Variants in CYP39A1 observed in about 807,000 individuals in gnomAD.
CYP39A1 encodes the protein 24-hydroxycholesterol 7-alpha-hydroxylase.
In CYP39A1, 49 loss-of-function variants were observed where a neutral mutation model predicts 58.1. That is an observed-to-expected ratio of 0.84 (90% CI 0.67 to 1.07). CYP39A1 has a LOEUF of 1.07. CYP39A1 is among the 50% of genes least tolerant of loss of function. CYP39A1 has a pLI of 0.00. For synonymous variants in CYP39A1, 209 were observed against 187.6 expected (o/e 1.11, Z -0.93); for missense variants, 531 against 539.4 (o/e 0.98, Z 0.16).
chr6:46,634,923 C>T (rs1219197419), intron 5 of CYP39A1, among the ~76,000 whole-genome samples: 1 of 152,178 alleles, frequency 6.6e-6, no homozygotes, highest in East Asian at 1.9e-4. Context: ...GCTTTTGCCC[C>T]TAAGTCCTGG....
chr6:46,584,247 G>T (rs1003962509), intron 10 of CYP39A1, among the ~76,000 whole-genome samples: 1 of 152,086 alleles, frequency 6.6e-6, no homozygotes, highest in Non-Finnish European at 1.5e-5. Context: ...AACTTGATGA[G>T]GTTTCTTAAA....
intron 3 of CYP39A1, among the ~76,000 whole-genome samples, chr6:46,638,698 G>A (rs115403580): frequency 0.015 from 2,228 of 152,150 alleles, 57 homozygotes; most frequent in African/African-American, 0.05. Context: ...AAATTTGGTT[G>A]TTTTTGTGTC....
At chr6:46,585,389 A>G (rs916480201) in intron 10 of CYP39A1, among the ~76,000 whole-genome samples, 2 of 152,264 alleles carry the variant, frequency 1.3e-5, no homozygotes, top group Admixed American at 1.3e-4. Flanking sequence ...ATATAGTGAT[A>G]TAAAGAAACC....
intron 6 of CYP39A1, among the ~76,000 whole-genome samples, chr6:46,630,668 A>G (rs1775603052): frequency 6.6e-6 from 1 of 152,210 alleles, no homozygotes; most frequent in South Asian, 2.1e-4. Flanking sequence ...AAAGTGTTCC[A>G]TAAACAGATG....
intron 10 of CYP39A1, among the ~76,000 whole-genome samples, chr6:46,560,973 A>G (rs1770941443): frequency 6.6e-6 from 1 of 152,166 alleles, no homozygotes; most frequent in Non-Finnish European, 1.5e-5. Flanking sequence ...AAGAAGGCAA[A>G]AAGCACCAAT....
At position 46,619,573 on chromosome 6, in the gene CYP39A1, A is replaced by T. The variant is rs559541985; in HGVS notation, c.931+5845T>A. Among the ~76,000 whole-genome samples, 193 of 152,086 alleles carry T rather than the reference A, an allele frequency of 1.3e-3. 2 individuals carry two copies. Among genetic ancestry groups the T allele is most frequent in the Non-Finnish European group, 1.2e-3 (83 of 67,984 alleles). On this transcript the variant is annotated intron_variant, in intron 7 of 11. Coordinates refer to ENST00000275016, the MANE Select transcript of CYP39A1 (RefSeq NM_016593.5). ...ACTTTAGATGGGGTAAGACTAAAAT[A>T]TCTATCTGAAGAGGAGACATTCAAG...
intron 1 of CYP39A1, 26 bp downstream of exon 1, chr6:46,652,380 A>T: frequency 2.5e-6 from 4 of 1,591,002 alleles, no homozygotes; most frequent in Non-Finnish European, 3.4e-6. Flanking sequence ...TCTCCTCTGG[A>T]GACCCCGTCT....
Position 46,639,607 on chromosome 6 carries a change from C to T in CYP39A1, c.375G>A (p.Gly125=), listed in dbSNP as rs1164558964. ...LHEKLYIMLK[G]KMGTVNLHQF... ...GATGGAGATTGACAGTCCCCATTTT[C>T]CCTTTCAACATAATATAGAGTTTTT... The change falls in exon 3 of 12, where the codon GGG becomes GGA. Residue 125 remains glycine, a synonymous_variant. Coordinates refer to ENST00000275016, the MANE Select transcript of CYP39A1 (RefSeq NM_016593.5). 1 of 1,613,962 alleles carries T rather than the reference C, an allele frequency of 6.2e-7. No homozygotes were observed. The highest frequency in any genetic ancestry group is 1.7e-5 in the Admixed American group (1 of 60,020).
chr6:46,580,672 A>T (rs543298043), intron 10 of CYP39A1, among the ~76,000 whole-genome samples: 9 of 152,094 alleles, frequency 5.9e-5, no homozygotes, highest in Non-Finnish European at 8.8e-5. Flanking sequence ...AACCCCATTT[A>T]AAAAAAATGG....
intron 1 of CYP39A1, among the ~76,000 whole-genome samples, chr6:46,643,595 A>G (rs892207839): frequency 2.0e-5 from 3 of 152,216 alleles, no homozygotes; most frequent in African/African-American, 4.8e-5. Flanking sequence ...TTAACTTCCC[A>G]TTAGTAGGTA....
rs776863373 is a variant in CYP39A1, at chr6:46,588,143, A to C, written c.1066-14T>G. On this transcript the variant is annotated splice_polypyrimidine_tract_variant and intron_variant, in intron 8 of 11. Coordinates refer to ENST00000275016, the MANE Select transcript of CYP39A1 (RefSeq NM_016593.5). ...AATGATGTAATTCTATAACAGAAAA[A>C]TCAGCTGCAAATCATTTTTTTGAAA... 3.3e-6 allele frequency: 5 copies of C among 1,501,874 alleles called. No individual in the cohort carries two copies. The highest frequency in any genetic ancestry group is 1.7e-4 in the Middle Eastern group (1 of 5,768). 93.0% of individuals were successfully genotyped at this position (1,501,874 alleles called of 1,614,324 possible). A position where few individuals can be genotyped will look rare whatever the true frequency, so the allele number is the denominator to read the frequency against.
intron 2 of CYP39A1, among the ~76,000 whole-genome samples, chr6:46,640,327 C>G (rs957172474): frequency 6.6e-6 from 1 of 152,060 alleles, no homozygotes; most frequent in African/African-American, 2.4e-5. Flanking sequence ...TTTATTATAC[C>G]CATATCTACT....
chr6:46,629,862 G>T (rs1350420541), intron 6 of CYP39A1, among the ~76,000 whole-genome samples: 1 of 152,136 alleles, frequency 6.6e-6, no homozygotes, highest in Non-Finnish European at 1.5e-5. Flanking sequence ...CCTGGCCCAG[G>T]AAACTGTTGG....
At chr6:46,650,484 CTTTTT>C (rs567314746) in intron 1 of CYP39A1, among the ~76,000 whole-genome samples, 757 of 35,094 alleles carry the variant, frequency 0.022, 1 homozygote, top group African/African-American at 0.059. Flanking sequence ...CAGTCATATT[CTTTTT>C]TTTTTTTTTT....
chr6:46,588,206 C>T (rs968154045), intron 8 of CYP39A1, 77 bp from the exon 9 acceptor site: 3 of 756,752 alleles, frequency 4.0e-6, no homozygotes, highest in Admixed American at 2.5e-5. Flanking sequence ...AAAAATGATG[C>T]TACAATTATA....
chr6:46,568,237 A>G (rs1001264425), intron 10 of CYP39A1, among the ~76,000 whole-genome samples: 1 of 152,058 alleles, frequency 6.6e-6, no homozygotes, highest in South Asian at 2.1e-4. Flanking sequence ...TTCTTTGCTC[A>G]TTTCTGAATT....
In CYP39A1 at chr6:46,636,479, G is replaced by C. The variant is rs1482467604; in HGVS notation, c.642C>G (p.Asn214Lys). The change falls in exon 5 of 12, where the codon AAC (asparagine) becomes AAG (lysine). Residue 214 changes from asparagine to lysine, a missense_variant. By Grantham distance (94) the Asn-to-Lys change is moderately conservative. Transcript: ENST00000275016. ...GSQLPECLLR[N>K]WSKSKKWFLE... Reference sequence around the variant, plus strand: ...GGAACCACTTTTTGGATTTTGACCAGTTTCTACATGAGAAAAAATATATAT... The same window carrying C: ...GGAACCACTTTTTGGATTTTGACCACTTTCTACATGAGAAAAAATATATAT... 1.3e-6 allele frequency: 2 copies of C among 1,592,504 alleles called. No individual in the cohort carries two copies. Among genetic ancestry groups the C allele is most frequent in the African/African-American group, 2.7e-5 (2 of 73,952 alleles).
chr6:46,615,354 A>C (rs1481782653), intron 7 of CYP39A1, among the ~76,000 whole-genome samples: 2 of 152,002 alleles, frequency 1.3e-5, no homozygotes, highest in Admixed American at 6.6e-5. Context: ...CTGTGTGTAT[A>C]TATACAAATA....
intron 10 of CYP39A1, among the ~76,000 whole-genome samples, chr6:46,578,742 G>C (rs768109560): frequency 1.3e-4 from 20 of 151,978 alleles, no homozygotes; most frequent in Non-Finnish European, 2.8e-4. Flanking sequence ...ATTTTACCAG[G>C]AAGAAACTGA....
Sources: gnomAD v4.1 joint callset for allele counts (sites outside exome capture counted in the v4.1 genomes callset) on GRCh38, gnomAD v4.1.1 for gene constraint, MANE v1.5 for transcripts, NCBI Gene and HGNC (gene_info 2026-07-23, HGNC 2026-07-21) for gene names.